Variants in RGS5 observed in about 807,000 individuals in gnomAD.
The protein encoded by RGS5 is regulator of G protein signaling 5, also known as regulator of G-protein signalling 5.
A neutral mutation model predicts 18.9 loss-of-function variants in RGS5; 20 were observed. The observed-to-expected ratio is 1.06, with a 90% CI of 0.74 to 1.54. The LOEUF is 1.54. Among genes scored for constraint, RGS5 ranks in the 40% most tolerant of loss-of-function variants. RGS5 has a pLI of 0.00. For missense variants in RGS5, 201 were observed against 211.8 expected (o/e 0.95, Z 0.32); for synonymous variants, 57 against 76.2 (o/e 0.75, Z 1.31).
intron 1 of RGS5, among the ~76,000 whole-genome samples, chr1:163,171,394 T>C (rs1003068842): frequency 1.3e-5 from 2 of 152,150 alleles, no homozygotes; most frequent in East Asian, 3.9e-4. Flanking sequence ...CATAGGTCCC[T>C]CCCTTCCTGT....
At chr1:163,294,640 T>C (rs1312613467) in intron 2 of RGS5, among the ~76,000 whole-genome samples, 1 of 152,250 alleles carries the variant, frequency 6.6e-6, no homozygotes, top group Non-Finnish European at 1.5e-5. Context: ...TGATTACTTA[T>C]GCAAATTTCT....
chr1:163,308,262 CTAAA>C (rs1649759733), intron 1 of RGS5, among the ~76,000 whole-genome samples: 4 of 152,108 alleles, frequency 2.6e-5, no homozygotes, highest in African/African-American at 4.8e-5. Context: ...CTGTGCCATT[CTAAA>C]ATAGAATGAA....
chr1:163,147,799 G>A (rs947232651), intron 4 of RGS5, among the ~76,000 whole-genome samples: 51 of 400 alleles, frequency 0.13, no homozygotes, highest in Non-Finnish European at 0.17. Flanking sequence ...TCCTTTTATA[G>A]AAAAAAATAT....
intron 2 of RGS5, among the ~76,000 whole-genome samples, chr1:163,288,049 A>C (rs1056834152): frequency 6.6e-6 from 1 of 152,136 alleles, no homozygotes; most frequent in Admixed American, 6.6e-5. Flanking sequence ...CAGCCAGAAA[A>C]CGTATTAATT....
At chr1:163,182,461 A>T (rs758877215) in intron 1 of RGS5, among the ~76,000 whole-genome samples, 26 of 152,166 alleles carry the variant, frequency 1.7e-4, no homozygotes, top group African/African-American at 3.1e-4. Flanking sequence ...CTACTCAAGG[A>T]TTCCCGTGGA....
chr1:163,270,272 G>A (rs1476135051), intron 2 of RGS5, among the ~76,000 whole-genome samples: 3 of 150,506 alleles, frequency 2.0e-5, no homozygotes, highest in Non-Finnish European at 4.4e-5. Context: ...AGCACTTTGG[G>A]AGACTGAAGC....
At chr1:163,263,100 A>G (rs1000124298) in intron 2 of RGS5, among the ~76,000 whole-genome samples, 7 of 152,144 alleles carry the variant, frequency 4.6e-5, no homozygotes, top group Admixed American at 3.9e-4. Flanking sequence ...TATAGCTTAA[A>G]CCCTTTTCAT....
chr1:163,168,422 T>G, intron 1 of RGS5, 54 bp from the exon 2 acceptor site: 1 of 1,259,706 alleles, frequency 7.9e-7, no homozygotes, highest in Non-Finnish European at 1.1e-6. Flanking sequence ...ATACAGATTT[T>G]AAGAAGAGAT....
intron 1 of RGS5, among the ~76,000 whole-genome samples, chr1:163,320,176 GT>G (rs1462967731): frequency 6.6e-6 from 1 of 151,638 alleles, no homozygotes; most frequent in Non-Finnish European, 1.5e-5. Flanking sequence ...AAATCGCTTG[GT>G]TTTTTTTCTA....
Position 163,146,604 on chromosome 1 carries a change from T to C in RGS5, c.*738A>G, listed in dbSNP as rs1417010425. ...ATAAATACATTTATAAAATACTTCATTGTTGATCTTAGGTCATTGATTTAA... is the reference window on the plus strand; with the variant it reads ...ATAAATACATTTATAAAATACTTCACTGTTGATCTTAGGTCATTGATTTAA... On this transcript the variant is annotated 3_prime_UTR_variant, in exon 5 of 5. Transcript: ENST00000313961. The C allele has an allele frequency of 6.6e-6, 1 of 152,156 alleles. No homozygotes were observed. Among genetic ancestry groups the C allele is most frequent in the Non-Finnish European group, 1.5e-5 (1 of 68,016 alleles). The allele number at this position is 152,156 out of a possible 1,614,324, so 9.4% of individuals were successfully genotyped here. A position where few individuals can be genotyped will look rare whatever the true frequency, so the allele number is the denominator to read the frequency against.
upstream of RGS5, chr1:163,202,932 CT>C: frequency 8.6e-7 from 1 of 1,157,694 alleles, no homozygotes; most frequent in South Asian, 1.3e-5. Context: ...GCCTTTCCTC[CT>C]GAGGTATATA....
intron 2 of RGS5, among the ~76,000 whole-genome samples, chr1:163,283,782 C>T (rs1182404459): frequency 1.3e-5 from 2 of 152,180 alleles, no homozygotes; most frequent in Non-Finnish European, 2.9e-5. Context: ...GAGCTGAGGG[C>T]AGCCTCCAGC....
At chr1:163,267,397 T>C (rs1263652734) in intron 2 of RGS5, 1 of 152,150 alleles carries the variant, frequency 6.6e-6, no homozygotes, top group Non-Finnish European at 1.5e-5. Context: ...TGTTTTGTTA[T>C]GGCAGCACAA....
chr1:163,309,971 G>A (rs1649809930), intron 1 of RGS5, among the ~76,000 whole-genome samples: 1 of 152,134 alleles, frequency 6.6e-6, no homozygotes, highest in Non-Finnish European at 1.5e-5. Flanking sequence ...CAGGGCTCTT[G>A]GGTGACTAGG....
chr1:163,280,446 T>C (rs1056465321), intron 2 of RGS5, among the ~76,000 whole-genome samples: 3 of 152,088 alleles, frequency 2.0e-5, no homozygotes, highest in African/African-American at 7.2e-5. Context: ...AAAAATTTCA[T>C]AAAATTCAAT....
intron 2 of RGS5, among the ~76,000 whole-genome samples, chr1:163,226,221 GA>G (rs1431233783): frequency 6.6e-6 from 1 of 151,776 alleles, no homozygotes; most frequent in Non-Finnish European, 1.5e-5. Context: ...CACCCAGCCA[GA>G]GGTCAAAATC....
intron 1 of RGS5, among the ~76,000 whole-genome samples, chr1:163,197,520 G>A (rs908350962): frequency 1.3e-5 from 2 of 151,994 alleles, no homozygotes; most frequent in Non-Finnish European, 2.9e-5. Context: ...CTCCCTAACT[G>A]GGCTTAAATT....
intron 2 of RGS5, among the ~76,000 whole-genome samples, chr1:163,272,621 G>A (rs961040762): frequency 5.3e-5 from 8 of 151,666 alleles, no homozygotes; most frequent in African/African-American, 1.9e-4. Flanking sequence ...TTTTTGTTGT[G>A]GTTTATATTT....
Position 163,168,286 on chromosome 1 carries a change from T to C in RGS5, c.127A>G (p.Lys43Glu). Residue 43 changes from lysine (K) to glutamate (E), a missense_variant, in exon 2 of 5, where the codon AAG becomes GAG. Physicochemically the swap from Lys to Glu is moderately conservative, Grantham distance 56. Transcript: ENST00000313961. ...TGGGTCTTGGCTGGTTTCTCTGGCT[T>C]CTCATTGTACGGAATGACAAGGTCA... ...VGDLVIPYNEKPEKPAKTQKT... is the reference protein window; with the variant it reads ...VGDLVIPYNEEPEKPAKTQKT... 6.2e-7 allele frequency: 1 copy of C among 1,613,822 alleles called. No homozygotes were observed. The highest frequency in any genetic ancestry group is 8.5e-7 in the Non-Finnish European group (1 of 1,179,776).
Sources: gnomAD v4.1 joint callset for allele counts (sites outside exome capture counted in the v4.1 genomes callset) on GRCh38, gnomAD v4.1.1 for gene constraint, MANE v1.5 for transcripts, NCBI Gene and HGNC (gene_info 2026-07-23, HGNC 2026-07-21) for gene names.